Variants in RTL9 observed in about 807,000 individuals in gnomAD.
The protein encoded by RTL9 is retrotransposon Gag-like protein 9.
Under a neutral mutation model 44.7 loss-of-function variants are expected in RTL9, and 19 were observed. The ratio of observed to expected loss-of-function variants is 0.42; its 90% CI spans 0.30 to 0.62. The LOEUF is 0.62. Ranked by LOEUF, RTL9 falls within the 20% of genes least tolerant of loss-of-function variation. RTL9 has a pLI of 0.16. For missense variants in RTL9, 1,105 were observed against 1,080.6 expected (o/e 1.02, Z -0.32); for synonymous variants, 407 against 398.9 (o/e 1.02, Z -0.24).
At chrX:110,451,863 A>G in exon 1 of RTL9, 2 of 1,211,393 alleles carry the variant, frequency 1.7e-6, no homozygotes, top group East Asian at 3.0e-5. Context: ...CACACCGCTA[A>G]TGGGAGCCCC....
At chrX:110,437,432 A>G (rs906459527) in intron 1 of RTL9, among the ~76,000 whole-genome samples, 3 of 112,243 alleles carry the variant, frequency 2.7e-5, no homozygotes, top group African/African-American at 6.5e-5. Flanking sequence ...CCCATTTTAC[A>G]GATGAGGTTT....
At chrX:110,421,733 G>A (rs1013563808) in intron 1 of RTL9, among the ~76,000 whole-genome samples, 1 of 112,578 alleles carries the variant, frequency 8.9e-6, no homozygotes, top group African/African-American at 3.2e-5. Context: ...ATGGCATAAG[G>A]CCATTAAAGT....
At chrX:110,400,993 A>G (rs1297882259) in intron 1 of RTL9, among the ~76,000 whole-genome samples, 3 of 112,085 alleles carry the variant, frequency 2.7e-5, no homozygotes, top group Non-Finnish European at 5.6e-5. Context: ...CATGATATTT[A>G]ATGAATTTCT....
intron 1 of RTL9, among the ~76,000 whole-genome samples, chrX:110,394,465 C>T (rs1189814518): frequency 8.0e-5 from 9 of 112,135 alleles, no homozygotes; most frequent in African/African-American, 2.9e-4. Context: ...GTTGCCCAGG[C>T]TGGTATTTGG....
intron 1 of RTL9, among the ~76,000 whole-genome samples, chrX:110,395,599 A>T (rs1382392475): frequency 8.9e-6 from 1 of 112,488 alleles, no homozygotes; most frequent in Non-Finnish European, 1.9e-5. Flanking sequence ...GCCGGGACTG[A>T]AATACAGGTC....
At chrX:110,454,737 C>A in intron 1 of RTL9, 73 bp downstream of exon 3, 1 of 920,600 alleles carries the variant, frequency 1.1e-6, no homozygotes, top group Non-Finnish European at 1.5e-6. Flanking sequence ...ATACATCCTG[C>A]TTCCTTGAGT....
At chrX:110,388,468 G>A (rs1179049965) in intron 1 of RTL9, among the ~76,000 whole-genome samples, 1 of 111,852 alleles carries the variant, frequency 8.9e-6, no homozygotes, top group East Asian at 2.8e-4. Flanking sequence ...GGGACAGGGA[G>A]GAGATCATTA....
At chrX:110,420,251 G>A (rs1473983833) in intron 1 of RTL9, among the ~76,000 whole-genome samples, 1 of 112,098 alleles carries the variant, frequency 8.9e-6, no homozygotes, top group Non-Finnish European at 1.9e-5. Context: ...TGCAGAGACT[G>A]GATCTTATTC....
intron 1 of RTL9, among the ~76,000 whole-genome samples, chrX:110,429,217 G>A (rs765205278): frequency 9.0e-6 from 1 of 110,915 alleles, no homozygotes; most frequent in Non-Finnish European, 1.9e-5. Flanking sequence ...TAAGCTTCTT[G>A]AGGGCAAGGA....
At chrX:110,442,221 TTCTCTCTC>T (rs781098261) in intron 1 of RTL9, among the ~76,000 whole-genome samples, 3 of 72,786 alleles carry the variant, frequency 4.1e-5, no homozygotes, top group East Asian at 3.4e-4. Context: ...ATCGAAGTCT[TTCTCTCTC>T]TCTCTCTCTC....
chrX:110,408,724 A>C (rs976015641), intron 1 of RTL9, among the ~76,000 whole-genome samples: 1 of 112,288 alleles, frequency 8.9e-6, no homozygotes, highest in African/African-American at 3.2e-5. Flanking sequence ...GTTTGTGTCC[A>C]TAACTGTTGC....
upstream of RTL9, among the ~76,000 whole-genome samples, chrX:110,418,849 T>C (rs1041420053): frequency 8.9e-6 from 1 of 111,899 alleles, no homozygotes; most frequent in Admixed American, 9.5e-5. Flanking sequence ...CAGTGAGTTC[T>C]TTCAGCTCAT....
chrX:110,432,351 AT>A (rs1467053239), intron 1 of RTL9, among the ~76,000 whole-genome samples: 2 of 112,250 alleles, frequency 1.8e-5, no homozygotes, highest in Admixed American at 1.9e-4. Flanking sequence ...CTTTCTAGGC[AT>A]TTAGCTGTGG....
chrX:110,379,019 A>G (rs1162760675), intron 1 of RTL9, among the ~76,000 whole-genome samples: 1 of 111,599 alleles, frequency 9.0e-6, no homozygotes, highest in African/African-American at 3.3e-5. Flanking sequence ...GGGCCTGCTC[A>G]CTCTGGCCCT....
At chrX:110,448,196 T>G (rs147770789), upstream of RTL9, among the ~76,000 whole-genome samples, 334 of 111,078 alleles carry the variant, frequency 3.0e-3, 2 homozygotes, top group African/African-American at 0.01. Flanking sequence ...TATTAAGGTG[T>G]TTGCTTGCCA....
intron 1 of RTL9, among the ~76,000 whole-genome samples, chrX:110,381,138 C>T (rs1235411475): frequency 1.8e-5 from 2 of 111,517 alleles, no homozygotes; most frequent in East Asian, 2.8e-4. Context: ...AAGAAAATAT[C>T]GACAGGCACC....
chrX:110,453,778 T>A, exon 1 of RTL9: 1 of 1,211,078 alleles, frequency 8.3e-7, no homozygotes, highest in Non-Finnish European at 1.1e-6. Flanking sequence ...GGATGTGGCA[T>A]GGGTATGTCC....
In RTL9 at chrX:110,399,568, G is replaced by A. The variant is rs980490670; in HGVS notation, c.-168+40652G>A. On this transcript the variant is annotated intron_variant, in intron 1 of 2. Transcript: ENST00000520821. ...ACTTAGATGGAACTGATTTTTTCGG[G>A]CTGTCTCATATTAGATGTGATACAA... Among the ~76,000 whole-genome samples, 3 of 112,422 alleles carry A rather than the reference G, an allele frequency of 2.7e-5. No individual in the cohort carries two copies. In the East Asian group the frequency reaches 8.3e-4, roughly 31 times the overall value.
At chrX:110,436,352 C>T (rs749517858) in intron 1 of RTL9, among the ~76,000 whole-genome samples, 1 of 111,778 alleles carries the variant, frequency 8.9e-6, no homozygotes, top group South Asian at 3.8e-4. Context: ...TAAGGTGTGG[C>T]TTAAGGAGAG....
Sources: allele counts gnomAD v4.1 joint callset (sites outside exome capture counted in the v4.1 genomes callset), GRCh38; gene constraint gnomAD v4.1.1; transcripts MANE v1.5; gene names NCBI Gene and HGNC (gene_info 2026-07-23, HGNC 2026-07-21).